OBSL1: variants seen among roughly 807,000 people sequenced by gnomAD.
OBSL1 encodes obscurin-like protein 1.
In OBSL1, 160 loss-of-function variants were observed where a neutral mutation model predicts 172.0. The observed-to-expected ratio is 0.93, with a 90% CI of 0.82 to 1.06. OBSL1 has a LOEUF of 1.06. Among genes scored for constraint, OBSL1 ranks in the 50% least tolerant of loss-of-function variants. OBSL1 has a pLI of 0.00. For synonymous variants in OBSL1, 1,200 were observed against 1,196.3 expected (o/e 1.00, Z -0.06); for missense variants, 2,681 against 2,715.4 (o/e 0.99, Z 0.28).
chr2:219,548,075 A>G (rs573814239), downstream of OBSL1: 1 of 1,552,380 alleles, frequency 6.4e-7, no homozygotes, highest in African/African-American at 1.3e-5. Context: ...GGACTCCCAC[A>G]CGGAAGGTAA....
At chr2:219,561,643 G>GC in intron 8 of OBSL1, 1 of 408,962 alleles carries the variant, frequency 2.4e-6, no homozygotes, top group Non-Finnish European at 4.3e-6. Context: ...CTTTCTCCCA[G>GC]GCCTCCCTGA....
chr2:219,556,637 G>A lies in OBSL1; in HGVS notation c.4153C>T (p.Pro1385Ser). The change falls in exon 13 of 21, where the codon CCA becomes TCA. Residue 1385 changes from proline to serine, a missense_variant. Transcript: ENST00000404537. ...AGCCAGGTGACATCGGCATCTGGTG[G>A]GGAGACTTCACACCGGAACGTGGCA... is the stretch of plus-strand genomic sequence containing the variant. ...DDATFRCEVS[P>S]PDADVTWLRN... 6.2e-7 allele frequency: 1 copy of A among 1,613,924 alleles called. No homozygotes were observed. The highest frequency in any genetic ancestry group is 1.1e-5 in the South Asian group (1 of 91,086).
In OBSL1 at chr2:219,556,116, G is replaced by A. The variant is rs1695978385; in HGVS notation, c.4513C>T (p.His1505Tyr). Residue 1505 changes from histidine to tyrosine, a missense_variant, in exon 14 of 21, where the codon CAC (histidine) becomes TAC (tyrosine). His to Tyr is a moderately conservative substitution (Grantham distance 83, BLOSUM62 2). This residue lies in a region of OBSL1 where 1,765 missense variants were observed against 1,748.3 expected (regional missense o/e 1.01). Coordinates refer to ENST00000404537, the MANE Select transcript of OBSL1 (RefSeq NM_015311.3). ...ATGACACCATGGATGAAGAGGCGGT[G>A]GATGTGCCCATCCTGGGCCATGGAC... is the stretch of plus-strand genomic sequence containing the variant. ...RLSMAQDGHI[H>Y]RLFIHGVILA... 6 of 1,613,812 alleles carry A rather than the reference G, an allele frequency of 3.7e-6. No homozygotes were observed. The Admixed American group carries it at 8.3e-5, about 22-fold the overall frequency.
intron 11 of OBSL1, 33 bp from the exon 12 acceptor site, chr2:219,557,651 G>C (rs895673362): frequency 6.6e-7 from 1 of 1,512,380 alleles, no homozygotes; most frequent in African/African-American, 1.4e-5. Context: ...CACTGGGAGG[G>C]AGAGGCTCAG....
Position 219,558,419 on chromosome 2 carries a change from C to G in OBSL1, c.3267G>C (p.Leu1089=). 1 of 1,597,760 alleles carries G rather than the reference C, an allele frequency of 6.3e-7. No homozygotes were observed. ...GCCCTGGAGCCCCAAAATGCAGATC[C>G]AGGGAGCGGGCTGCCGGGTGCACAA... is the stretch of plus-strand genomic sequence containing the variant. ...ERIVHPAARS[L]DLHFGAPGRV... is the part of the protein sequence containing the mutation. The change falls in exon 10 of 21, where the codon CTG becomes CTC. Residue 1089 remains leucine (L), a synonymous_variant. Coordinates refer to ENST00000404537, the MANE Select transcript of OBSL1 (RefSeq NM_015311.3).
At chr2:219,560,531 G>T (rs1454811443) in intron 8 of OBSL1, among the ~76,000 whole-genome samples, 1 of 151,934 alleles carries the variant, frequency 6.6e-6, no homozygotes, top group African/African-American at 2.4e-5. Context: ...AAGTTTTGGG[G>T]CGACTACTGC....
Position 219,568,149 on chromosome 2 carries a change from G to A in OBSL1, c.1188C>T (p.Arg396=). Residue 396 remains arginine (R), a synonymous_variant, in exon 2 of 21, where the codon CGC becomes CGT. Coordinates refer to ENST00000404537, the MANE Select transcript of OBSL1 (RefSeq NM_015311.3). This position sits in a 1 kb window ranked among gnomAD's most constrained non-coding sequence, Gnocchi z 4.1. The stretch of plus-strand genomic sequence containing the variant: ...CTGCCTTCAGCCTGTGGATGATGAG[G>A]CGCCGGACAGTGCCCTCTTCGATCT... ...YEQIEEGTVR[R]LIIHRLKADD... is the part of the protein sequence containing the mutation. 6.2e-7 allele frequency: 1 copy of A among 1,613,840 alleles called. No individual in the cohort carries two copies. Among genetic ancestry groups the A allele is most frequent in the Non-Finnish European group, 8.5e-7 (1 of 1,179,910 alleles).
Position 219,551,751 on chromosome 2 carries a change from G to T in OBSL1, c.5461C>A (p.Leu1821Met). The change falls in exon 20 of 21, where the codon CTG (leucine) becomes ATG (methionine). Residue 1821 changes from leucine to methionine, a missense_variant. This residue lies in a region of OBSL1 where 1,765 missense variants were observed against 1,748.3 expected (regional missense o/e 1.01). Transcript: ENST00000404537. ...TCCAGCACCGCCCGGCGGCCCACCA[G>T]AACGGTCTTCTCGCGAGGGGGGTGG... The part of the protein sequence containing the change: ...CRHPPREKTV[L>M]VGRRAVLEVT... 6.3e-7 allele frequency: 1 copy of T among 1,599,380 alleles called. No individual in the cohort carries two copies. The highest frequency in any genetic ancestry group is 8.5e-7 in the Non-Finnish European group (1 of 1,171,236).
At position 219,558,391 on chromosome 2, in the gene OBSL1, C is replaced by T. The variant is rs759494566; in HGVS notation, c.3295G>A (p.Val1099Met). ...GGGGCCACCTCACAGCGCAGCTCCA[C>T]GCGCCCTGGAGCCCCAAAATGCAGA... ...LDLHFGAPGR[V>M]ELRCEVAPAG... The change falls in exon 10 of 21, where the codon GTG becomes ATG. Residue 1099 changes from valine to methionine, a missense_variant. Physicochemically the swap from Val to Met is conservative, Grantham distance 21. Around this residue, in one of 5 missense-constraint regions of OBSL1, gnomAD observed 1,765 missense variants for 1,748.3 expected, o/e 1.01. Coordinates refer to ENST00000404537, the MANE Select transcript of OBSL1 (RefSeq NM_015311.3). 73 of 1,607,594 alleles carry T rather than the reference C, an allele frequency of 4.5e-5. 1 individual carries two copies. In the South Asian group the frequency reaches 5.2e-4, roughly 12 times the overall value.
At chr2:219,555,612 G>T in intron 14 of OBSL1, 1 of 1,015,158 alleles carries the variant, frequency 9.9e-7, no homozygotes, top group Non-Finnish European at 1.2e-6. Flanking sequence ...TTGGCTCAAA[G>T]AGGTTAACTT....
intron 5 of OBSL1, among the ~76,000 whole-genome samples, chr2:219,566,083 G>C (rs1454201653): frequency 6.6e-6 from 1 of 152,194 alleles, no homozygotes; most frequent in African/African-American, 2.4e-5. Context: ...CAGCACCTGT[G>C]CTCATTAGCT....
At chr2:219,554,797 G>A (rs1695880868) in intron 14 of OBSL1, 57 bp from the exon 15 acceptor site, 9 of 1,491,924 alleles carry the variant, frequency 6.0e-6, no homozygotes, top group Non-Finnish European at 8.1e-6. Flanking sequence ...GGCAGGGGTT[G>A]CAGTCAATCC....
At chr2:219,549,265 C>G (rs758782842), downstream of OBSL1, 2 of 1,613,954 alleles carry the variant, frequency 1.2e-6, no homozygotes, top group Admixed American at 3.3e-5. Context: ...CAGAGGTCCC[C>G]GGGCTCCTCC....
intron 8 of OBSL1, among the ~76,000 whole-genome samples, chr2:219,561,379 C>T (rs1226004940): frequency 6.6e-6 from 1 of 152,136 alleles, no homozygotes; most frequent in Non-Finnish European, 1.5e-5. Flanking sequence ...CCGTCACTTC[C>T]ACAGTTGTCC....
chr2:219,564,105 G>A (rs1696698756), intron 6 of OBSL1, among the ~76,000 whole-genome samples: 1 of 152,234 alleles, frequency 6.6e-6, no homozygotes, highest in Non-Finnish European at 1.5e-5. Flanking sequence ...AGGGGCCACA[G>A]TGTGGAAAAC....
intron 4 of OBSL1, 72 bp from the exon 5 acceptor site, chr2:219,567,198 G>T: frequency 1.3e-6 from 2 of 1,559,966 alleles, no homozygotes; most frequent in East Asian, 2.3e-5. Context: ...CGGATGGCAA[G>T]CCTGTGAGAG....
At position 219,553,199 on chromosome 2, in the gene OBSL1, A is replaced by G. The variant is rs549139593; in HGVS notation, c.4990-175T>C. Among the ~76,000 whole-genome samples the G allele has an allele frequency of 6.6e-5, 10 of 152,260 alleles. No homozygotes were observed. In the East Asian group the frequency reaches 1.9e-3, roughly 29 times the overall value. On this transcript the variant is annotated intron_variant, in intron 16 of 20. Coordinates refer to ENST00000404537, the MANE Select transcript of OBSL1 (RefSeq NM_015311.3). ...CCCAAGCCTTTGGGGTCGTGCCAGG[A>G]GCCTCTTTGAAAAAGCGTCACCCTT...
Position 219,557,472 on chromosome 2 carries a change from C to A in OBSL1, c.3937G>T (p.Gly1313Trp). The change falls in exon 12 of 21, where the codon GGG becomes TGG. Residue 1313 changes from glycine to tryptophan, a missense_variant. This residue lies in a region of OBSL1 where 1,765 missense variants were observed against 1,748.3 expected (regional missense o/e 1.01). Transcript: ENST00000404537. ...CCGGCCTGCTCCAGCTGCACCCGCC[C>A]CTGGCTTGCCAGTCGCTCCCCGTCC... is the stretch of plus-strand genomic sequence containing the variant. ...YKDGERLASQ[G>W]RVQLEQAGAR... 7.1e-6 allele frequency: 11 copies of A among 1,552,208 alleles called. No homozygotes were observed. Among genetic ancestry groups the A allele is most frequent in the Non-Finnish European group, 8.7e-6 (10 of 1,148,588 alleles).
Position 219,567,375 on chromosome 2 carries a change from C to T in OBSL1, c.1735G>A (p.Gly579Ser), listed in dbSNP as rs375899817. Residue 579 changes from glycine to serine, a missense_variant, in exon 4 of 21, where the codon GGC (glycine) becomes AGC (serine). By Grantham distance (56) the Gly-to-Ser change is moderately conservative. Transcript: ENST00000404537. Reference sequence around the variant, plus strand: ...TCACCCTCGGAGGGCACACAGTCGCCCGGCACCTCCACGGCTCCGGCTTTC... The same window carrying T: ...TCACCCTCGGAGGGCACACAGTCGCTCGGCACCTCCACGGCTCCGGCTTTC... ...IEKAGAVEVP[G>S]DCVPSEGDYR... The T allele has an allele frequency of 1.1e-5, 17 of 1,612,856 alleles. No individual in the cohort carries two copies. The highest frequency in any genetic ancestry group is 4.4e-5 in the South Asian group (4 of 90,876).
Sources: gnomAD v4.1 joint callset for allele counts (sites outside exome capture counted in the v4.1 genomes callset) on GRCh38, gnomAD v4.1.1 for gene constraint, gnomAD v4.1.1 regional missense constraint, Gnocchi (gnomAD v3.1) non-coding constraint, MANE v1.5 for transcripts, NCBI Gene and HGNC (gene_info 2026-07-23, HGNC 2026-07-21) for gene names.